The following CCDC148 variants were observed in gnomAD, a reference collection of about 807,000 sequenced individuals.
CCDC148 encodes the protein coiled-coil domain containing 148.
In CCDC148, 89 loss-of-function variants were observed where a neutral mutation model predicts 85.7. That is an observed-to-expected ratio of 1.04 (90% confidence interval 0.87 to 1.24). CCDC148 has a LOEUF of 1.24. Ranked by LOEUF, CCDC148 falls within the 50% of genes most tolerant of loss-of-function variation. CCDC148 has a pLI of 0.00. For missense variants in CCDC148, 692 were observed against 671.7 expected (o/e 1.03, Z -0.33); for synonymous variants, 230 against 213.9 (o/e 1.08, Z -0.66).
intron 8 of CCDC148, among the ~76,000 whole-genome samples, chr2:158,312,863 A>G (rs181678830): frequency 1.3e-5 from 2 of 152,164 alleles, no homozygotes; most frequent in Non-Finnish European, 2.9e-5. Context: ...TAGCTGTGTG[A>G]CCTTTGCTTC....
chr2:158,180,372 T>C (rs1427741437), intron 11 of CCDC148, among the ~76,000 whole-genome samples: 1 of 152,110 alleles, frequency 6.6e-6, no homozygotes, highest in Non-Finnish European at 1.5e-5. Flanking sequence ...AATAGAAGCA[T>C]AGACATGTGA....
intron 11 of CCDC148, among the ~76,000 whole-genome samples, chr2:158,179,569 C>G (rs1374431967): frequency 6.6e-6 from 1 of 152,150 alleles, no homozygotes; most frequent in East Asian, 1.9e-4. Context: ...CTCTGGCTAA[C>G]CTGCCCTGAG....
intron 10 of CCDC148, among the ~76,000 whole-genome samples, chr2:158,245,162 A>G (rs546333634): frequency 1.3e-5 from 2 of 152,134 alleles, no homozygotes; most frequent in African/African-American, 2.4e-5. Context: ...ACAGTCCTTT[A>G]ACCTGCATTC....
chr2:158,379,979 G>T (rs1480742753), intron 1 of CCDC148, among the ~76,000 whole-genome samples: 1 of 151,946 alleles, frequency 6.6e-6, no homozygotes, highest in Non-Finnish European at 1.5e-5. Context: ...TTTGAGATGG[G>T]GTCTCACCAT....
intron 11 of CCDC148, among the ~76,000 whole-genome samples, chr2:158,217,393 T>TATATATATATATATAC (rs1459713401): frequency 7.4e-6 from 1 of 135,326 alleles, no homozygotes; most frequent in African/African-American, 2.8e-5. Flanking sequence ...TATATATATA[T>TATATATATATATATAC]ACACACACAC....
chr2:158,284,152 C>T (rs1365954673), intron 9 of CCDC148, among the ~76,000 whole-genome samples: 1 of 150,180 alleles, frequency 6.7e-6, no homozygotes, highest in Non-Finnish European at 1.5e-5. Flanking sequence ...GGAGGGATAG[C>T]ATTGGGAGAT....
chr2:158,359,527 G>A (rs999364931), intron 1 of CCDC148, among the ~76,000 whole-genome samples: 1 of 152,174 alleles, frequency 6.6e-6, no homozygotes, highest in Admixed American at 6.5e-5. Flanking sequence ...GCAGCCCACA[G>A]ACAGCAAGCC....
intron 11 of CCDC148, among the ~76,000 whole-genome samples, chr2:158,198,035 T>TTC (rs1175967681): frequency 6.6e-6 from 1 of 152,182 alleles, no homozygotes; most frequent in African/African-American, 2.4e-5. Flanking sequence ...ATTTAATCTT[T>TTC]TCTCTCACCA....
At chr2:158,184,058 G>A (rs1416974928) in intron 11 of CCDC148, among the ~76,000 whole-genome samples, 1 of 152,106 alleles carries the variant, frequency 6.6e-6, no homozygotes, top group Non-Finnish European at 1.5e-5. Flanking sequence ...ACATTGAAAG[G>A]CATCACTCCT....
At chr2:158,328,819 G>A (rs1332125368) in intron 7 of CCDC148, among the ~76,000 whole-genome samples, 3 of 152,320 alleles carry the variant, frequency 2.0e-5, no homozygotes, top group Non-Finnish European at 2.9e-5. Flanking sequence ...CTTCTTTTGA[G>A]AAGTGTCTGT....
chr2:158,430,582 A>T (rs1255424156), intron 1 of CCDC148, among the ~76,000 whole-genome samples: 1 of 152,226 alleles, frequency 6.6e-6, no homozygotes, highest in Non-Finnish European at 1.5e-5. Flanking sequence ...GTTAATATTA[A>T]TTTATTGCAC....
intron 1 of CCDC148, among the ~76,000 whole-genome samples, chr2:158,429,481 T>C (rs1209266890): frequency 6.6e-6 from 1 of 152,076 alleles, no homozygotes; most frequent in East Asian, 1.9e-4. Context: ...AAAGGAATCT[T>C]AAAAGCAATG....
At chr2:158,216,742 T>C (rs1686885444) in intron 11 of CCDC148, among the ~76,000 whole-genome samples, 2 of 152,194 alleles carry the variant, frequency 1.3e-5, no homozygotes, top group South Asian at 2.1e-4. Flanking sequence ...GCTCTCTTTC[T>C]GGCTTGAAGT....
chr2:158,336,456 C>T (rs776475479), intron 7 of CCDC148, among the ~76,000 whole-genome samples: 11 of 152,122 alleles, frequency 7.2e-5, no homozygotes, highest in Non-Finnish European at 1.5e-4. Flanking sequence ...CATGTATATA[C>T]ATTTCTTCCC....
rs901522632 is a variant in CCDC148 at position 158,430,297 on chromosome 2, A to G, written c.25+26118T>C. 2.6e-5 allele frequency among the ~76,000 whole-genome samples: 4 copies of G among 152,292 alleles called. No individual in the cohort carries two copies. In the East Asian group the frequency reaches 7.7e-4, roughly 29 times the overall value. On this transcript the variant is annotated intron_variant, in intron 1 of 13. Transcript: ENST00000283233. ...CTCCACACACATTCTACCAAAGCTT[A>G]AAAACAAGCCTCAACCTGATCCATG...
At chr2:158,242,088 A>G (rs900483755) in intron 10 of CCDC148, among the ~76,000 whole-genome samples, 1 of 152,056 alleles carries the variant, frequency 6.6e-6, no homozygotes, top group African/African-American at 2.4e-5. Flanking sequence ...TTCTTACTTG[A>G]CCTTTCAATG....
chr2:158,349,784 G>A (rs1683170627), intron 2 of CCDC148, among the ~76,000 whole-genome samples: 1 of 151,992 alleles, frequency 6.6e-6, no homozygotes, highest in African/African-American at 2.4e-5. Context: ...AGAAAAAAAA[G>A]CAAGTGTTAG....
chr2:158,440,197 G>T (rs1687871350), intron 1 of CCDC148, among the ~76,000 whole-genome samples: 1 of 152,084 alleles, frequency 6.6e-6, no homozygotes, highest in South Asian at 2.1e-4. Context: ...AATATCAAGT[G>T]TTGACAAGAA....
In CCDC148 at chr2:158,423,083, A is replaced by G. The variant is rs551155331; in HGVS notation, c.25+33332T>C. Among the ~76,000 whole-genome samples, 160 of 152,332 alleles carry G rather than the reference A, an allele frequency of 1.1e-3. 1 individual carries two copies. Among genetic ancestry groups the G allele is most frequent in the African/African-American group, 3.6e-3 (151 of 41,578 alleles). On this transcript the variant is annotated intron_variant, in intron 1 of 13. Coordinates refer to ENST00000283233, the MANE Select transcript of CCDC148 (RefSeq NM_138803.4). ...CCACTGCTCAACGAAATAAAAGAGGACCGAAACAAATGGAAGAACATTCCA... is the reference window on the plus strand; with the variant it reads ...CCACTGCTCAACGAAATAAAAGAGGGCCGAAACAAATGGAAGAACATTCCA...
Sources: gnomAD v4.1 joint callset for allele counts (sites outside exome capture counted in the v4.1 genomes callset) on GRCh38, gnomAD v4.1.1 for gene constraint, MANE v1.5 for transcripts, NCBI Gene and HGNC (gene_info 2026-07-23, HGNC 2026-07-21) for gene names.